PCDHA2: variants seen among roughly 807,000 people sequenced by gnomAD.
PCDHA2 encodes protocadherin alpha 2, also known as protocadherin alpha-2.
A neutral mutation model predicts 66.0 loss-of-function variants in PCDHA2; 58 were observed. The observed-to-expected ratio is 0.88, with a 90% CI of 0.71 to 1.09. The LOEUF (loss-of-function observed/expected upper bound fraction) is 1.09, where lower values mean the gene tolerates loss of function less well. Among genes scored for constraint, PCDHA2 ranks in the 50% least tolerant of loss-of-function variants. The pLI is 0.00. For synonymous variants in PCDHA2, 634 were observed against 554.0 expected, an observed-to-expected ratio of 1.14 and a Z score of -2.03; for missense variants, 1,267 against 1,242.3, an observed-to-expected ratio of 1.02 and a Z score of -0.30.
intron 3 of PCDHA2, among the ~76,000 whole-genome samples, chr5:140,986,632 A>T (rs1262339478): frequency 6.6e-6 from 1 of 152,170 alleles, no homozygotes; most frequent in African/African-American, 2.4e-5. Flanking sequence ...AGGCAACAGT[A>T]CATTAGTTTT....
In PCDHA2 at chr5:140,870,787, C is replaced by T. The variant is rs782200395; in HGVS notation, c.2388+73435C>T. On this transcript the variant is annotated intron_variant, in intron 1 of 3. Transcript: ENST00000526136. ...CGTGCTGGACGAGAACGACAACGCG[C>T]CGGCACTGCTGGCGACTCAGGCTGG... 6.2e-7 allele frequency: 1 copy of T among 1,613,638 alleles called. No homozygotes were observed. Among genetic ancestry groups the T allele is most frequent in the Admixed American group, 1.7e-5 (1 of 60,028 alleles).
intron 3 of PCDHA2, among the ~76,000 whole-genome samples, chr5:141,008,809 C>A (rs1397377778): frequency 6.6e-6 from 1 of 152,160 alleles, no homozygotes; most frequent in African/African-American, 2.4e-5. Flanking sequence ...CAAATAGGCT[C>A]AATTTACAAC....
chr5:140,882,891 A>C, intron 1 of PCDHA2: 1 of 1,614,230 alleles, frequency 6.2e-7, no homozygotes, highest in East Asian at 2.2e-5. Flanking sequence ...ATTCAGGAAC[A>C]TAGTTTATTA....
rs77488964 is a variant in PCDHA2, at chr5:140,929,006, C to T, written c.2389-49943C>T. The T allele has an allele frequency of 3.2e-3, 5,179 of 1,614,048 alleles. 25 individuals carry two copies. Among genetic ancestry groups the T allele is most frequent in the African/African-American group, 0.019 (1,447 of 75,028 alleles). ...GGGTGCTTACTTTTCTTCGTGTGTA[C>T]CAAGTTGCACCAGAGCCCAGGCTGT... is the stretch of plus-strand genomic sequence containing the variant. On this transcript the variant is annotated intron_variant, in intron 1 of 3. Coordinates refer to ENST00000526136, the MANE Select transcript of PCDHA2 (RefSeq NM_018905.3).
At chr5:140,916,508 T>G (rs2077594251) in intron 1 of PCDHA2, among the ~76,000 whole-genome samples, 1 of 152,200 alleles carries the variant, frequency 6.6e-6, no homozygotes, top group Non-Finnish European at 1.5e-5. Context: ...GTGATTAATC[T>G]TGCCAAGACT....
At chr5:140,823,119 C>A in intron 1 of PCDHA2, 1 of 1,614,054 alleles carries the variant, frequency 6.2e-7, no homozygotes, top group Non-Finnish European at 8.5e-7. Context: ...CCGACGTGAA[C>A]GACAACGCTC....
chr5:140,803,521 G>T, intron 1 of PCDHA2: 1 of 1,614,234 alleles, frequency 6.2e-7, no homozygotes, highest in Non-Finnish European at 8.5e-7. Context: ...TTTAGCCCTA[G>T]CCTTCCTCCT....
At chr5:140,818,146 T>C (rs1554127394) in intron 1 of PCDHA2, among the ~76,000 whole-genome samples, 1 of 152,228 alleles carries the variant, frequency 6.6e-6, no homozygotes, top group African/African-American at 2.4e-5. Flanking sequence ...TGCCTTCAAA[T>C]ACGGCTTCTA....
chr5:140,819,122 A>C (rs1766495452), intron 1 of PCDHA2, among the ~76,000 whole-genome samples: 1 of 152,188 alleles, frequency 6.6e-6, no homozygotes, highest in Non-Finnish European at 1.5e-5. Flanking sequence ...CTTTCTTACT[A>C]TCCTTATAAT....
rs2150522888 is a variant in PCDHA2 at position 140,852,815 on chromosome 5, T to G, written c.2388+55463T>G. 1.8e-5 allele frequency: 18 copies of G among 973,398 alleles called. No homozygotes were observed. In the East Asian group the frequency reaches 1.4e-3, roughly 74 times the overall value. 60.3% of individuals were successfully genotyped at this position (973,398 alleles called of 1,614,324 possible). On this transcript the variant is annotated intron_variant, in intron 1 of 3. Coordinates refer to ENST00000526136, the MANE Select transcript of PCDHA2 (RefSeq NM_018905.3). ...TACAGATGTCATTTGTCTCCCGCCC[T>G]AAGTCCTCCAGTCTCCTTAGAGCTA...
intron 1 of PCDHA2, among the ~76,000 whole-genome samples, chr5:140,886,185 G>A (rs2060887176): frequency 6.6e-6 from 1 of 152,072 alleles, no homozygotes; most frequent in African/African-American, 2.4e-5. Context: ...CCTAATGCTG[G>A]CAAGCAGTAA....
At chr5:140,912,689 C>T (rs879967123) in intron 1 of PCDHA2, among the ~76,000 whole-genome samples, 1 of 152,112 alleles carries the variant, frequency 6.6e-6, no homozygotes, top group Admixed American at 6.5e-5. Context: ...TTCCAGGTCT[C>T]AGGGGGAATG....
At chr5:140,849,484 T>A (rs2040926970) in intron 1 of PCDHA2, 1 of 1,590,814 alleles carries the variant, frequency 6.3e-7, no homozygotes, top group Non-Finnish European at 8.6e-7. Flanking sequence ...TTCCCACCCC[T>A]GGCTGGTCAT....
Position 140,967,394 on chromosome 5 carries a change from G to C in PCDHA2, c.2389-11555G>C, listed in dbSNP as rs1379450273. On this transcript the variant is annotated intron_variant, in intron 1 of 3. Coordinates refer to ENST00000526136, the MANE Select transcript of PCDHA2 (RefSeq NM_018905.3). ...GGAGAACAGTAAAGTGCTTGAGCTGGTGCTGCGTAAGGGCCTAGACCGGGA... is the reference window on the plus strand; with the variant it reads ...GGAGAACAGTAAAGTGCTTGAGCTGCTGCTGCGTAAGGGCCTAGACCGGGA... 4 of 1,609,940 alleles carry C rather than the reference G, an allele frequency of 2.5e-6. No homozygotes were observed. In the African/African-American group the frequency reaches 4.0e-5, roughly 16 times the overall value.
chr5:140,809,464 C>T (rs1554125225), intron 1 of PCDHA2: 10 of 1,614,130 alleles, frequency 6.2e-6, no homozygotes, highest in Admixed American at 3.3e-5. Flanking sequence ...CGAGGGTGTG[C>T]TCTGGTGAGG....
At position 140,838,077 on chromosome 5, in the gene PCDHA2, A is replaced by AGTGTGT. The variant is rs57130401; in HGVS notation, c.2388+40774_2388+40779dup. Among the ~76,000 whole-genome samples the AGTGTGT allele has an allele frequency of 1.0e-3, 82 of 80,686 alleles. 1 individual carries two copies. Among genetic ancestry groups the AGTGTGT allele is most frequent in the East Asian group, 2.6e-3 (8 of 3,058 alleles). The allele number at this position is 80,686 out of a possible 152,430, so 52.9% of individuals were successfully genotyped here. A position where few individuals can be genotyped will look rare whatever the true frequency, so the allele number is the denominator to read the frequency against. On this transcript the variant is annotated intron_variant, in intron 1 of 3. Coordinates refer to ENST00000526136, the MANE Select transcript of PCDHA2 (RefSeq NM_018905.3). ...TTTCCACTTTAAGTTATATATATATAGTGTGTGTGTGTGTGTGTGTGTGTG... is the reference window on the plus strand; with the variant it reads ...TTTCCACTTTAAGTTATATATATATAGTGTGTGTGTGTGTGTGTGTGTGTGTGTGTG...
At chr5:140,813,285 T>C (rs1324188008) in intron 1 of PCDHA2, 2 of 151,914 alleles carry the variant, frequency 1.3e-5, no homozygotes, top group African/African-American at 4.9e-5. Context: ...GAGAATTGTA[T>C]CATTCTGAGA....
chr5:140,829,400 G>T (rs2150167159), intron 1 of PCDHA2: 1 of 1,614,056 alleles, frequency 6.2e-7, no homozygotes, highest in East Asian at 2.2e-5. Context: ...TTCGCTGTGG[G>T]CCACCGCCAG....
chr5:140,807,845 C>T lies in PCDHA2; in HGVS notation c.2388+10493C>T, dbSNP rs782647653. On this transcript the variant is annotated intron_variant, in intron 1 of 3. Transcript: ENST00000526136. ...GCTCACAGCCACTGATGGAGGCAAACCCGAGTTGACTGGCACCGTTCAGTT... is the reference window on the plus strand; with the variant it reads ...GCTCACAGCCACTGATGGAGGCAAATCCGAGTTGACTGGCACCGTTCAGTT... 1.5e-5 allele frequency: 24 copies of T among 1,613,992 alleles called. No individual in the cohort carries two copies. The highest frequency in any genetic ancestry group is 1.9e-5 in the Non-Finnish European group (22 of 1,180,030).
Sources: gnomAD v4.1 joint callset for allele counts (sites outside exome capture counted in the v4.1 genomes callset) on GRCh38, gnomAD v4.1.1 for gene constraint, MANE v1.5 for transcripts, NCBI Gene and HGNC (gene_info 2026-07-23, HGNC 2026-07-21) for gene names.